Variants in CRIM1 observed in about 807,000 individuals in gnomAD.
CRIM1 encodes the protein cysteine rich transmembrane BMP regulator 1.
In CRIM1, 32 loss-of-function variants were observed where a neutral mutation model predicts 116.4. The observed-to-expected ratio is 0.27, with a 90% CI of 0.21 to 0.37. The LOEUF is 0.37. Ranked by LOEUF, CRIM1 falls within the 10% of genes least tolerant of loss-of-function variation. The pLI, the probability that CRIM1 is intolerant of heterozygous loss-of-function variation, is 1.00. For missense variants in CRIM1, 1,331 were observed against 1,354.8 expected, an observed-to-expected ratio of 0.98 and a Z score of 0.28; for synonymous variants, 590 against 509.2, an observed-to-expected ratio of 1.16 and a Z score of -2.13.
intron 2 of CRIM1, among the ~76,000 whole-genome samples, chr2:36,410,853 G>T (rs940859116): frequency 6.6e-6 from 1 of 152,144 alleles, no homozygotes; most frequent in Non-Finnish European, 1.5e-5. Context: ...ATGGCAGGGT[G>T]CATTAACGTG....
rs560373155 is a variant in CRIM1, at chr2:36,513,964, A to G, written c.1990+199A>G. The stretch of plus-strand genomic sequence containing the variant: ...AGAACCAAAGACCAGAGAAAATTCT[A>G]TCATTGTAGAAATGGCTCTCCTCCT... On this transcript the variant is annotated intron_variant, in intron 11 of 16. Transcript: ENST00000280527. 8.5e-5 allele frequency among the ~76,000 whole-genome samples: 13 copies of G among 152,358 alleles called. No individual in the cohort carries two copies. In the South Asian group the frequency reaches 1.4e-3, roughly 17 times the overall value.
At chr2:36,372,266 A>C (rs1375418715) in intron 1 of CRIM1, among the ~76,000 whole-genome samples, 1 of 152,164 alleles carries the variant, frequency 6.6e-6, no homozygotes, top group East Asian at 1.9e-4. Flanking sequence ...GGAAAGCAAA[A>C]TTCCGTTTGG....
intron 8 of CRIM1, among the ~76,000 whole-genome samples, chr2:36,509,013 T>C (rs925540489): frequency 2.3e-4 from 35 of 152,216 alleles, no homozygotes; most frequent in African/African-American, 8.2e-4. Flanking sequence ...AAGCCTATTA[T>C]GTAAGTATAT....
chr2:36,369,614 A>G (rs1669815723), intron 1 of CRIM1, among the ~76,000 whole-genome samples: 2 of 152,206 alleles, frequency 1.3e-5, no homozygotes, highest in Non-Finnish European at 2.9e-5. Flanking sequence ...ATAGGAACAT[A>G]TGAAATGTTA....
At chr2:36,360,566 C>T (rs1172688611) in intron 1 of CRIM1, among the ~76,000 whole-genome samples, 1 of 152,026 alleles carries the variant, frequency 6.6e-6, no homozygotes, top group African/African-American at 2.4e-5. Context: ...GTACTTACAG[C>T]AAAAAACAGA....
At chr2:36,464,322 G>A (rs1456943001) in intron 4 of CRIM1, among the ~76,000 whole-genome samples, 1 of 152,086 alleles carries the variant, frequency 6.6e-6, no homozygotes, top group South Asian at 2.1e-4. Flanking sequence ...TAAAAATTGG[G>A]GTGTACATAA....
rs553291910 is a variant in CRIM1, at chr2:36,477,465, C to G, written c.1174+394C>G. Among the ~76,000 whole-genome samples, 12 of 152,334 alleles carry G rather than the reference C, an allele frequency of 7.9e-5. No individual in the cohort carries two copies. In the South Asian group the frequency reaches 2.5e-3, roughly 32 times the overall value. On this transcript the variant is annotated intron_variant, in intron 6 of 16. Coordinates refer to ENST00000280527, the MANE Select transcript of CRIM1 (RefSeq NM_016441.3). ...TCAGTTAGGATAATGTGGGCCTCAC[C>G]CTGACAGTCTCAGCCTGCCGGCCCA...
chr2:36,388,966 T>A (rs1227340157), intron 1 of CRIM1, among the ~76,000 whole-genome samples: 1 of 152,250 alleles, frequency 6.6e-6, no homozygotes, highest in Non-Finnish European at 1.5e-5. Flanking sequence ...TCTTGTTGTT[T>A]GTTATACATT....
chr2:36,485,399 G>C (rs978046915), intron 7 of CRIM1, among the ~76,000 whole-genome samples: 1 of 152,176 alleles, frequency 6.6e-6, no homozygotes, highest in African/African-American at 2.4e-5. Context: ...TAAAAGGCTG[G>C]AGTTCTGTGA....
chr2:36,499,455 C>T lies in CRIM1; in HGVS notation c.1501+108C>T, dbSNP rs184564899. On this transcript the variant is annotated intron_variant, in intron 8 of 16. Coordinates refer to ENST00000280527, the MANE Select transcript of CRIM1 (RefSeq NM_016441.3). ...CACTTCTGTTCAGACATTCCCTTGA[C>T]AACCTGAAAAAAAGGGGAAAAAAGT... 19 of 1,211,738 alleles carry T rather than the reference C, an allele frequency of 1.6e-5. No homozygotes were observed. The Admixed American group carries it at 4.1e-4, about 26-fold the overall frequency. 75.1% of individuals were successfully genotyped at this position (1,211,738 alleles called of 1,614,324 possible). A position where few individuals can be genotyped will look rare whatever the true frequency, so the allele number is the denominator to read the frequency against.
chr2:36,418,372 T>C (rs941301094), intron 2 of CRIM1, among the ~76,000 whole-genome samples: 2 of 152,180 alleles, frequency 1.3e-5, no homozygotes, highest in Non-Finnish European at 2.9e-5. Flanking sequence ...GGTGCAATTA[T>C]GGTTCACTGC....
rs934805289 is a variant in CRIM1, at chr2:36,441,203, T to G, written c.506-55T>G. The G allele has an allele frequency of 1.4e-5, 22 of 1,606,596 alleles. No homozygotes were observed. In the Middle Eastern group the frequency reaches 1.2e-3, roughly 84 times the overall value. On this transcript the variant is annotated intron_variant, in intron 2 of 16. Coordinates refer to ENST00000280527, the MANE Select transcript of CRIM1 (RefSeq NM_016441.3). ...TCATCAGGACTGTTTGTTCTTCTGT[T>G]GAAAGTGCCCCACACTGCCCTGGGC...
At position 36,356,314 on chromosome 2, in the gene CRIM1, A is replaced by T; in HGVS notation, c.22A>T (p.Arg8Trp). 6.4e-7 allele frequency: 1 copy of T among 1,562,696 alleles called. No individual in the cohort carries two copies. Among genetic ancestry groups the T allele is most frequent in the Non-Finnish European group, 8.6e-7 (1 of 1,156,750 alleles). MYLVAGD[R>W]GLAGCGHLLV... ...GAGGATGTACTTGGTGGCGGGGGAC[A>T]GGGGGTTGGCCGGCTGCGGGCACCT... Residue 8 changes from arginine (R) to tryptophan (W), a missense_variant, in exon 1 of 17, where the codon AGG (arginine) becomes TGG (tryptophan). Physicochemically the swap from Arg to Trp is moderately radical, Grantham distance 101 (BLOSUM62 -3). Around this residue, in one of 3 missense-constraint regions of CRIM1, gnomAD observed 690 missense variants for 676.0 expected, o/e 1.02. Coordinates refer to ENST00000280527, the MANE Select transcript of CRIM1 (RefSeq NM_016441.3). This position sits in a 1 kb window ranked among gnomAD's most constrained non-coding sequence, Gnocchi z 4.3.
At chr2:36,506,495 G>A (rs965568218) in intron 8 of CRIM1, among the ~76,000 whole-genome samples, 1 of 152,132 alleles carries the variant, frequency 6.6e-6, no homozygotes, top group Non-Finnish European at 1.5e-5. Flanking sequence ...TGGAGGTTAC[G>A]TTGTATTTAT....
At chr2:36,380,700 G>C (rs1329148196) in intron 1 of CRIM1, among the ~76,000 whole-genome samples, 1 of 152,194 alleles carries the variant, frequency 6.6e-6, no homozygotes, top group Non-Finnish European at 1.5e-5. Flanking sequence ...CCCTCCGAAT[G>C]AAAGTGGTAT....
At position 36,485,476 on chromosome 2, in the gene CRIM1, G is replaced by A. The variant is rs565372460; in HGVS notation, c.1372+5782G>A. 4.6e-5 allele frequency among the ~76,000 whole-genome samples: 7 copies of A among 152,280 alleles called. No individual in the cohort carries two copies. In the South Asian group the frequency reaches 8.3e-4, roughly 18 times the overall value. ...TATGGAAGCACTATATTCTCTCCCT[G>A]AAGGCTGATGATATAGCTTGAATCA... On this transcript the variant is annotated intron_variant, in intron 7 of 16. Transcript: ENST00000280527.
chr2:36,395,681 T>A (rs898507601), intron 1 of CRIM1, among the ~76,000 whole-genome samples: 2 of 152,196 alleles, frequency 1.3e-5, no homozygotes, highest in African/African-American at 4.8e-5. Flanking sequence ...CAGAACCTGA[T>A]TTGGTCTCAG....
intron 2 of CRIM1, among the ~76,000 whole-genome samples, chr2:36,424,884 G>C (rs7419733): frequency 0.28 from 43,299 of 152,004 alleles, 6,363 homozygotes; most frequent in South Asian, 0.4. Flanking sequence ...CAGATTGCCT[G>C]CAGTCACCTC....
intron 4 of CRIM1, among the ~76,000 whole-genome samples, chr2:36,448,581 T>G (rs1333502600): frequency 1.3e-5 from 2 of 152,244 alleles, no homozygotes; most frequent in African/African-American, 4.8e-5. Flanking sequence ...CTTACTCACT[T>G]TCACTGTAAG....
Sources: allele counts gnomAD v4.1 joint callset (sites outside exome capture counted in the v4.1 genomes callset), GRCh38; gene constraint gnomAD v4.1.1; regional missense constraint gnomAD v4.1.1; non-coding constraint Gnocchi (gnomAD v3.1); transcripts MANE v1.5; gene names NCBI Gene and HGNC (gene_info 2026-07-23, HGNC 2026-07-21).